Variants in ZFP91 observed in about 807,000 individuals in gnomAD.
ZFP91 encodes the protein E3 ubiquitin-protein ligase ZFP91.
ZFP91 carries 7 observed loss-of-function variants against 63.5 expected under a neutral mutation model. The observed-to-expected ratio is 0.11, with a 90% CI of 0.06 to 0.21. ZFP91 has a LOEUF of 0.21. ZFP91 is among the 10% of genes least tolerant of loss of function. The pLI is 1.00. For synonymous variants in ZFP91, 330 were observed against 272.1 expected, an observed-to-expected ratio of 1.21 and a Z score of -2.10; for missense variants, 628 against 736.6, an observed-to-expected ratio of 0.85 and a Z score of 1.71.
In ZFP91 at chr11:58,579,223, A is replaced by T. The variant is rs1855033319; in HGVS notation, c.-59A>T. The stretch of plus-strand genomic sequence containing the variant: ...CGAGGGGGCGGGGGGAGCAGCGCCG[A>T]GGCCGCCGCCTCCGCCTCCGCCGCC... On this transcript the variant is annotated 5_prime_UTR_variant, in exon 1 of 11. Transcript: ENST00000316059. The T allele has an allele frequency of 7.6e-7, 1 of 1,323,164 alleles. No individual in the cohort carries two copies. The highest frequency in any genetic ancestry group is 9.6e-7 in the Non-Finnish European group (1 of 1,036,866). 82.0% of individuals were successfully genotyped at this position (1,323,164 alleles called of 1,614,324 possible). A position where few individuals can be genotyped will look rare whatever the true frequency, so the allele number is the denominator to read the frequency against.
intron 2 of ZFP91, among the ~76,000 whole-genome samples, chr11:58,585,790 G>A (rs962209174): frequency 2.0e-5 from 3 of 152,014 alleles, no homozygotes; most frequent in Non-Finnish European, 4.4e-5. Flanking sequence ...ATAATTCTTC[G>A]AGAACGTATA....
rs1293141929 is a variant in ZFP91 at position 58,618,822 on chromosome 11, G to T, written c.*1116G>T. On this transcript the variant is annotated 3_prime_UTR_variant, in exon 11 of 11. Transcript: ENST00000316059. ...GAAGCCTTTTTAGGGAAGAATGTTAGGTTCATGGTAACTAGTATGCTCTTT... is the reference window on the plus strand; with the variant it reads ...GAAGCCTTTTTAGGGAAGAATGTTATGTTCATGGTAACTAGTATGCTCTTT... 2.4e-6 allele frequency: 1 copy of T among 408,436 alleles called. No individual in the cohort carries two copies. The highest frequency in any genetic ancestry group is 3.6e-4 in the Middle Eastern group (1 of 2,808). 25.3% of individuals were successfully genotyped at this position (408,436 alleles called of 1,614,324 possible). A position where few individuals can be genotyped will look rare whatever the true frequency, so the allele number is the denominator to read the frequency against.
At chr11:58,611,496 G>T in intron 5 of ZFP91, 108 bp from the exon 6 acceptor site, 1 of 1,352,564 alleles carries the variant, frequency 7.4e-7, no homozygotes, top group South Asian at 1.5e-5. Flanking sequence ...ATGAACTGAG[G>T]AAGGTAGTTT....
rs138324081 is a variant in ZFP91, at chr11:58,592,754, A to T, written c.370+7870A>T. Among the ~76,000 whole-genome samples the T allele has an allele frequency of 1.1e-4, 17 of 152,304 alleles. No homozygotes were observed. In the East Asian group the frequency reaches 3.3e-3, roughly 29 times the overall value. On this transcript the variant is annotated intron_variant, in intron 2 of 10. Transcript: ENST00000316059. Reference sequence around the variant, plus strand: ...AGAGTAGGTTTTAATGATCTATTGCACTGTGTATTAGTCCCTTTTGAGTTG... The same window carrying T: ...AGAGTAGGTTTTAATGATCTATTGCTCTGTGTATTAGTCCCTTTTGAGTTG...
At chr11:58,604,556 T>C (rs946151829) in intron 2 of ZFP91, among the ~76,000 whole-genome samples, 2 of 152,208 alleles carry the variant, frequency 1.3e-5, no homozygotes, top group Non-Finnish European at 2.9e-5. Context: ...TTATTTCAGC[T>C]CTCTCTTGCT....
At chr11:58,601,083 C>G (rs562991490) in intron 2 of ZFP91, among the ~76,000 whole-genome samples, 2 of 152,074 alleles carry the variant, frequency 1.3e-5, no homozygotes, top group Non-Finnish European at 2.9e-5. Flanking sequence ...TTTGTGGTGT[C>G]TTTGTCTGGC....
chr11:58,606,131 G>A (rs562543088), intron 2 of ZFP91, among the ~76,000 whole-genome samples: 4 of 151,890 alleles, frequency 2.6e-5, no homozygotes, highest in East Asian at 1.9e-4. Flanking sequence ...GTGTTATCTC[G>A]GCTCACTGCA....
At chr11:58,604,608 A>G (rs1389162274) in intron 2 of ZFP91, among the ~76,000 whole-genome samples, 1 of 152,206 alleles carries the variant, frequency 6.6e-6, no homozygotes, top group Admixed American at 6.5e-5. Context: ...TTTTACTTTG[A>G]ACCTGTTTGT....
intron 1 of ZFP91, among the ~76,000 whole-genome samples, chr11:58,582,500 A>C (rs930167093): frequency 6.6e-5 from 10 of 152,314 alleles, no homozygotes; most frequent in Non-Finnish European, 1.2e-4. Context: ...CCTACATTTG[A>C]TTTTCTTAAT....
At chr11:58,598,195 A>G (rs1391802274) in intron 2 of ZFP91, among the ~76,000 whole-genome samples, 2 of 152,134 alleles carry the variant, frequency 1.3e-5, no homozygotes, top group East Asian at 1.9e-4. Context: ...ATGATACCAT[A>G]TATAGTCTAA....
At chr11:58,587,118 C>T (rs886140884) in intron 2 of ZFP91, among the ~76,000 whole-genome samples, 3 of 151,996 alleles carry the variant, frequency 2.0e-5, no homozygotes, top group Non-Finnish European at 4.4e-5. Context: ...AGTTAAGTTG[C>T]AAAGTGCTAC....
At position 58,618,341 on chromosome 11, in the gene ZFP91, C is replaced by T. The variant is rs569461379; in HGVS notation, c.*635C>T. On this transcript the variant is annotated 3_prime_UTR_variant, in exon 11 of 11. Coordinates refer to ENST00000316059, the MANE Select transcript of ZFP91 (RefSeq NM_053023.5). ...CCACCTCCCCCTTCTTTGATCCCAG[C>T]ATCTCAGTCCCCCTCCCAACCCTCC... 6.1e-5 allele frequency: 12 copies of T among 195,764 alleles called. No homozygotes were observed. In the South Asian group the frequency reaches 1.0e-3, roughly 16 times the overall value. 12.1% of individuals were successfully genotyped at this position (195,764 alleles called of 1,614,324 possible).
intron 2 of ZFP91, 58 bp from the exon 3 acceptor site, chr11:58,609,772 C>T (rs980621137): frequency 8.9e-6 from 13 of 1,454,252 alleles, no homozygotes; most frequent in Middle Eastern, 1.7e-4. Context: ...AGTAGATATA[C>T]AGGGATGGTT....
Position 58,586,512 on chromosome 11 carries a change from G to C in ZFP91, c.370+1628G>C, listed in dbSNP as rs574153519. Reference sequence around the variant, plus strand: ...ATTAAAACTACATTCTGGATAATTTGATCCGAAGATCAATCCCACTTTACT... The same window carrying C: ...ATTAAAACTACATTCTGGATAATTTCATCCGAAGATCAATCCCACTTTACT... On this transcript the variant is annotated intron_variant, in intron 2 of 10. Transcript: ENST00000316059. Among the ~76,000 whole-genome samples the C allele has an allele frequency of 1.2e-3, 176 of 152,220 alleles. 1 individual carries two copies. Among genetic ancestry groups the C allele is most frequent in the Middle Eastern group, 6.8e-3 (2 of 294 alleles).
intron 1 of ZFP91, among the ~76,000 whole-genome samples, chr11:58,580,756 A>G (rs1855099294): frequency 6.6e-6 from 1 of 152,204 alleles, no homozygotes; most frequent in Non-Finnish European, 1.5e-5. Flanking sequence ...ATATTGTGGT[A>G]TTAGATATGC....
chr11:58,613,512 C>T (rs1317477849), intron 8 of ZFP91, among the ~76,000 whole-genome samples: 2 of 152,094 alleles, frequency 1.3e-5, no homozygotes. Context: ...AATCTGAACC[C>T]ACATAGAGAA....
chr11:58,598,509 G>C (rs1855440161), intron 2 of ZFP91, among the ~76,000 whole-genome samples: 1 of 152,038 alleles, frequency 6.6e-6, no homozygotes, highest in South Asian at 2.1e-4. Flanking sequence ...CTCATGCAGT[G>C]ACTAGTATGA....
At chr11:58,588,186 A>G (rs985943611) in intron 2 of ZFP91, among the ~76,000 whole-genome samples, 7 of 152,182 alleles carry the variant, frequency 4.6e-5, no homozygotes, top group African/African-American at 1.4e-4. Context: ...TCAACCTTTT[A>G]TTCAAAATCA....
In ZFP91 at chr11:58,617,418, C is replaced by T. The variant is rs749559316; in HGVS notation, c.1425C>T (p.Ile475=). The T allele has an allele frequency of 6.2e-6, 10 of 1,613,730 alleles. No homozygotes were observed. In the South Asian group the frequency reaches 9.9e-5, roughly 16 times the overall value. The change falls in exon 11 of 11, where the codon ATC becomes ATT. Residue 475 remains isoleucine, a synonymous_variant. Transcript: ENST00000316059. The surrounding 1 kb of genome is among the most constrained non-coding windows in gnomAD (Gnocchi z 4.2). The part of the protein sequence containing the change: ...NAGALITSTD[I]LGTNPESLTQ... ...GCGCCCTCATCACCAGCACAGATAT[C>T]TTGGGCACTAACCCAGAGTCCCTGA...
Sources: gnomAD v4.1 joint callset for allele counts (sites outside exome capture counted in the v4.1 genomes callset) on GRCh38, gnomAD v4.1.1 for gene constraint, Gnocchi (gnomAD v3.1) non-coding constraint, MANE v1.5 for transcripts, NCBI Gene and HGNC (gene_info 2026-07-23, HGNC 2026-07-21) for gene names.